CNTNAP2: variants seen among roughly 807,000 people sequenced by gnomAD.
CNTNAP2 encodes contactin-associated protein-like 2.
CNTNAP2 carries 98 observed loss-of-function variants against 155.2 expected under a neutral mutation model. The ratio of observed to expected loss-of-function variants is 0.63; its 90% CI spans 0.54 to 0.75. The LOEUF (loss-of-function observed/expected upper bound fraction) is 0.75. Among genes scored for constraint, CNTNAP2 ranks in the 30% least tolerant of loss-of-function variants. The probability of loss-of-function intolerance (pLI) is 0.00; values close to 1 mark genes in which losing one functional copy is unlikely to be tolerated. For missense variants in CNTNAP2, 1,727 were observed against 1,688.1 expected, an observed-to-expected ratio of 1.02 and a Z score of -0.40; for synonymous variants, 651 against 631.2, an observed-to-expected ratio of 1.03 and a Z score of -0.47.
At chr7:146,919,812 T>C (rs1585157818) in intron 3 of CNTNAP2, among the ~76,000 whole-genome samples, 1 of 152,120 alleles carries the variant, frequency 6.6e-6, no homozygotes, top group East Asian at 1.9e-4. Flanking sequence ...GTAGCAGCAG[T>C]CTACCTCTTT....
intron 1 of CNTNAP2, among the ~76,000 whole-genome samples, chr7:146,577,659 A>G (rs1047825148): frequency 4.6e-5 from 7 of 152,142 alleles, no homozygotes; most frequent in Non-Finnish European, 8.8e-5. Context: ...ACTCTTGAAT[A>G]TCTACATAAA....
At chr7:147,393,633 C>G (rs1796760471) in intron 9 of CNTNAP2, among the ~76,000 whole-genome samples, 1 of 151,946 alleles carries the variant, frequency 6.6e-6, no homozygotes, top group African/African-American at 2.4e-5. Context: ...GTGCACGCAA[C>G]TGGTATAAAC....
intron 13 of CNTNAP2, among the ~76,000 whole-genome samples, chr7:147,882,445 A>T (rs941041558): frequency 1.3e-5 from 2 of 152,236 alleles, no homozygotes; most frequent in Non-Finnish European, 2.9e-5. Flanking sequence ...CAGCTGCTTC[A>T]GGTGAGGTGG....
At chr7:146,408,543 T>C (rs2129110307) in intron 1 of CNTNAP2, among the ~76,000 whole-genome samples, 1 of 146,790 alleles carries the variant, frequency 6.8e-6, no homozygotes, top group East Asian at 2.1e-4. Context: ...AAACACTGCA[T>C]GTTCTCACTC....
intron 13 of CNTNAP2, among the ~76,000 whole-genome samples, chr7:147,662,428 G>A (rs936526623): frequency 2.0e-5 from 3 of 152,228 alleles, no homozygotes; most frequent in Non-Finnish European, 2.9e-5. Context: ...AAATTAAGGT[G>A]TAGGGGTTAG....
chr7:147,295,100 T>C (rs1299526800), intron 8 of CNTNAP2, among the ~76,000 whole-genome samples: 1 of 152,202 alleles, frequency 6.6e-6, no homozygotes, highest in African/African-American at 2.4e-5. Context: ...CAAATACTAA[T>C]AGTAACTAGT....
At chr7:146,120,360 A>C (rs1181932189) in intron 1 of CNTNAP2, among the ~76,000 whole-genome samples, 1 of 152,146 alleles carries the variant, frequency 6.6e-6, no homozygotes, top group Non-Finnish European at 1.5e-5. Context: ...ATTATTAACT[A>C]ATTGGAGAGA....
At chr7:146,415,040 G>A (rs965604133) in intron 1 of CNTNAP2, among the ~76,000 whole-genome samples, 3 of 152,188 alleles carry the variant, frequency 2.0e-5, no homozygotes, top group Admixed American at 2.0e-4. Context: ...AGGGCAGAAT[G>A]CCATCGGTTA....
chr7:147,451,645 C>A (rs73475157), intron 10 of CNTNAP2, among the ~76,000 whole-genome samples: 4,212 of 151,868 alleles, frequency 0.028, 210 homozygotes, highest in African/African-American at 0.097. Context: ...CAGCTCTGCC[C>A]ATCATAACTC....
chr7:146,768,111 G>A (rs1041377511), intron 1 of CNTNAP2, among the ~76,000 whole-genome samples: 1 of 152,004 alleles, frequency 6.6e-6, no homozygotes, highest in African/African-American at 2.4e-5. Flanking sequence ...ATTAGAAAAT[G>A]TAAAATATAA....
intron 1 of CNTNAP2, 104 bp from the exon 2 acceptor site, chr7:146,774,166 CA>C: frequency 1.3e-6 from 1 of 798,344 alleles, no homozygotes. Context: ...TTCAAAGATA[CA>C]TAAAAGACAT....
At chr7:148,113,267 G>A (rs1238739193) in intron 15 of CNTNAP2, among the ~76,000 whole-genome samples, 2 of 152,142 alleles carry the variant, frequency 1.3e-5, no homozygotes, top group African/African-American at 4.8e-5. Flanking sequence ...ATGGCAGAAG[G>A]CAAAGGGGAT....
intron 14 of CNTNAP2, among the ~76,000 whole-genome samples, chr7:147,950,364 C>CGAAAAA (rs1800904468): frequency 1.8e-5 from 1 of 55,770 alleles, no homozygotes. Context: ...CATAGAGAGG[C>CGAAAAA]AAAAAAAAAA....
At chr7:146,879,009 G>A (rs1206839983) in intron 3 of CNTNAP2, among the ~76,000 whole-genome samples, 3 of 152,090 alleles carry the variant, frequency 2.0e-5, no homozygotes, top group Non-Finnish European at 4.4e-5. Flanking sequence ...GACTGTCTGG[G>A]TTGCTTTCAA....
At chr7:148,042,393 T>G (rs561974022) in intron 15 of CNTNAP2, among the ~76,000 whole-genome samples, 75 of 152,312 alleles carry the variant, frequency 4.9e-4, no homozygotes, top group African/African-American at 1.5e-3. Context: ...AGTTGTTGCC[T>G]GATTTCTTTT....
At chr7:147,522,694 C>T (rs1313379130) in intron 11 of CNTNAP2, among the ~76,000 whole-genome samples, 1 of 149,010 alleles carries the variant, frequency 6.7e-6, no homozygotes, top group Non-Finnish European at 1.5e-5. Flanking sequence ...GAAAGAATGC[C>T]TTTTTAAATC....
At chr7:146,894,672 G>A (rs1423350177) in intron 3 of CNTNAP2, among the ~76,000 whole-genome samples, 1 of 151,978 alleles carries the variant, frequency 6.6e-6, no homozygotes, top group Non-Finnish European at 1.5e-5. Context: ...TTATTAACTT[G>A]TACATACCTC....
intron 1 of CNTNAP2, among the ~76,000 whole-genome samples, chr7:146,352,911 C>T (rs894219229): frequency 7.3e-5 from 11 of 151,534 alleles, no homozygotes; most frequent in East Asian, 3.9e-4. Context: ...CCCGCCACCA[C>T]GCCCGGCTAA....
At chr7:146,977,651 A>G (rs918544577) in intron 3 of CNTNAP2, among the ~76,000 whole-genome samples, 14 of 152,230 alleles carry the variant, frequency 9.2e-5, no homozygotes, top group Non-Finnish European at 1.8e-4. Context: ...AAACTCTTAA[A>G]TAATATGCAT....
Sources: allele counts gnomAD v4.1 joint callset (sites outside exome capture counted in the v4.1 genomes callset), GRCh38; gene constraint gnomAD v4.1.1; transcripts MANE v1.5; gene names NCBI Gene and HGNC (gene_info 2026-07-23, HGNC 2026-07-21).